The following BRD10 variants were observed in gnomAD, a reference collection of about 807,000 sequenced individuals.
The protein encoded by BRD10 is uncharacterized bromodomain-containing protein 10.
At chr9:5,988,442 G>A in the BRD10 span, 1 of 1,613,770 alleles carries the variant, frequency 6.2e-7, no homozygotes, top group African/African-American at 1.3e-5. Context: ...AAACTTCGCG[G>A]TGTTGACCGA....
chr9:5,899,321 TGA>T, the BRD10 span: 1 of 152,268 alleles, frequency 6.6e-6, no homozygotes, highest in East Asian at 1.9e-4. Flanking sequence ...AAGGAGAAGG[TGA>T]GAGATACAAC....
chr9:5,958,072 G>A, the BRD10 span, among the ~76,000 whole-genome samples: 1 of 152,074 alleles, frequency 6.6e-6, no homozygotes. Context: ...TACCACTCTT[G>A]AGCCTAAAAC....
chr9:6,008,041 C>T, the BRD10 span: 5 of 1,149,332 alleles, frequency 4.4e-6, no homozygotes, highest in African/African-American at 1.6e-5. Flanking sequence ...TCCCCTCCCC[C>T]CCGGCGGCGG....
the BRD10 span, among the ~76,000 whole-genome samples, chr9:5,964,735 G>T: frequency 3.6e-5 from 5 of 139,738 alleles, no homozygotes; most frequent in East Asian, 6.2e-4. Flanking sequence ...CATAAAAAAT[G>T]ATGAGTTCAT....
chr9:5,945,047 G>A, the BRD10 span: 6 of 520,408 alleles, frequency 1.2e-5, no homozygotes, highest in Non-Finnish European at 1.7e-5. Context: ...AACACACACT[G>A]AATTCACAAT....
chr9:5,973,050 C>G, the BRD10 span, among the ~76,000 whole-genome samples: 76 of 152,182 alleles, frequency 5.0e-4, no homozygotes, highest in African/African-American at 1.8e-3. Context: ...TGATCCCTAA[C>G]TAAAGCACAA....
chr9:5,961,237 C>T, the BRD10 span, among the ~76,000 whole-genome samples: 11 of 152,130 alleles, frequency 7.2e-5, no homozygotes, highest in East Asian at 7.7e-4. Context: ...ATAAGTATTA[C>T]GAAGGAGAAG....
chr9:5,879,525 A>G, the BRD10 span, among the ~76,000 whole-genome samples: 1 of 152,082 alleles, frequency 6.6e-6, no homozygotes, highest in Non-Finnish European at 1.5e-5. Context: ...CCCATGATCA[A>G]CCCAATCCCA....
chr9:5,974,499 GC>G, the BRD10 span, among the ~76,000 whole-genome samples: 49 of 152,266 alleles, frequency 3.2e-4, no homozygotes, highest in Non-Finnish European at 5.4e-4. Flanking sequence ...GATGAGGTGA[GC>G]CCAAACATTG....
At chr9:5,915,128 A>G in the BRD10 span, among the ~76,000 whole-genome samples, 1 of 152,190 alleles carries the variant, frequency 6.6e-6, no homozygotes, top group East Asian at 1.9e-4. Context: ...TAAATTTTAT[A>G]CAGTCAAAAA....
chr9:5,989,543 T>G, the BRD10 span, among the ~76,000 whole-genome samples: 1 of 149,160 alleles, frequency 6.7e-6, no homozygotes, highest in Non-Finnish European at 1.5e-5. Flanking sequence ...AATGTAAATT[T>G]TTTTTTTTTT....
At chr9:5,935,386 T>C in the BRD10 span, among the ~76,000 whole-genome samples, 2 of 152,202 alleles carry the variant, frequency 1.3e-5, no homozygotes, top group African/African-American at 2.4e-5. Flanking sequence ...TCCAGCTTTG[T>C]AGCGGGGGAA....
At chr9:5,963,481 C>G in the BRD10 span, among the ~76,000 whole-genome samples, 44 of 146,074 alleles carry the variant, frequency 3.0e-4, no homozygotes, top group East Asian at 8.5e-3. Flanking sequence ...CCATACTGCC[C>G]AAGGTAATTT....
chr9:5,948,955 C>T, the BRD10 span, among the ~76,000 whole-genome samples: 8 of 152,172 alleles, frequency 5.3e-5, no homozygotes, highest in African/African-American at 1.9e-4. Flanking sequence ...TACTTAAAAA[C>T]TTGCAAATAA....
the BRD10 span, chr9:5,922,315 C>T: frequency 4.3e-6 from 7 of 1,613,904 alleles, no homozygotes; most frequent in South Asian, 1.1e-5. Context: ...AGGAAATGGT[C>T]GGTGAAGCAC....
At chr9:5,894,157 G>A in the BRD10 span, among the ~76,000 whole-genome samples, 1 of 152,126 alleles carries the variant, frequency 6.6e-6, no homozygotes, top group African/African-American at 2.4e-5. The surrounding 1 kb of genome is among the most constrained non-coding windows in gnomAD (Gnocchi z 4.0). Context: ...GAAGCTGGAG[G>A]CTGATGCTAG....
the BRD10 span, chr9:5,923,458 T>C: frequency 3.3e-6 from 2 of 609,992 alleles, no homozygotes; most frequent in East Asian, 2.8e-5. Flanking sequence ...GCACCACTGA[T>C]GAAGACAAAG....
chr9:5,942,402 C>T, the BRD10 span, among the ~76,000 whole-genome samples: 3 of 152,070 alleles, frequency 2.0e-5, no homozygotes, highest in Admixed American at 6.5e-5. Context: ...TGGCAGTAAA[C>T]ATACATAACA....
At chr9:5,974,723 T>C in the BRD10 span, among the ~76,000 whole-genome samples, 13 of 152,290 alleles carry the variant, frequency 8.5e-5, no homozygotes, top group Non-Finnish European at 1.5e-4. Context: ...AGGATCTCCC[T>C]GGAGTATTAA....
Sources: gnomAD v4.1 joint callset for allele counts (sites outside exome capture counted in the v4.1 genomes callset) on GRCh38, gnomAD v4.1.1 for gene constraint, Gnocchi (gnomAD v3.1) non-coding constraint, MANE v1.5 for transcripts, NCBI Gene and HGNC (gene_info 2026-07-23, HGNC 2026-07-21) for gene names.